The following SIK3 variants were observed in gnomAD, a reference collection of about 807,000 sequenced individuals.
The protein encoded by SIK3 is SIK family kinase 3.
Under a neutral mutation model 144.2 loss-of-function variants are expected in SIK3, and 28 were observed. The observed-to-expected ratio is 0.19, with a 90% confidence interval of 0.14 to 0.27. The LOEUF (loss-of-function observed/expected upper bound fraction) is 0.27. Ranked by LOEUF, SIK3 falls within the 10% of genes least tolerant of loss-of-function variation. The pLI, the probability that SIK3 is intolerant of heterozygous loss-of-function variation, is 1.00. For missense variants in SIK3, 1,319 were observed against 1,776.0 expected, an observed-to-expected ratio of 0.74 and a Z score of 4.62; for synonymous variants, 686 against 676.3, an observed-to-expected ratio of 1.01 and a Z score of -0.22.
chr11:116,888,428 GA>G (rs1364889927), intron 6 of SIK3, among the ~76,000 whole-genome samples: 1 of 152,190 alleles, frequency 6.6e-6, no homozygotes, highest in East Asian at 1.9e-4. Context: ...GGCGTAAGCA[GA>G]AAAAGGACTC....
At chr11:117,011,013 A>G (rs1951229059) in intron 1 of SIK3, among the ~76,000 whole-genome samples, 1 of 152,132 alleles carries the variant, frequency 6.6e-6, no homozygotes, top group Non-Finnish European at 1.5e-5. Context: ...CCAGCTACTC[A>G]GGAGGCTGAC....
chr11:117,087,740 A>G (rs887656711), intron 1 of SIK3, among the ~76,000 whole-genome samples: 2 of 152,214 alleles, frequency 1.3e-5, no homozygotes, highest in Admixed American at 6.5e-5. Context: ...GGCAATATAC[A>G]TATTAGGTGC....
At chr11:117,079,830 T>G (rs1173361457) in intron 1 of SIK3, among the ~76,000 whole-genome samples, 1 of 151,654 alleles carries the variant, frequency 6.6e-6, no homozygotes, top group Non-Finnish European at 1.5e-5. Context: ...CAAAGAAAAA[T>G]ATCAGTAATA....
chr11:116,870,381 A>C lies in SIK3; in HGVS notation c.1758T>G (p.Pro586=). Residue 586 remains proline, a synonymous_variant, in exon 14 of 25, where the codon CCT becomes CCG. Coordinates refer to ENST00000445177, the MANE Select transcript of SIK3 (RefSeq NM_001366686.3). ...CCCCGTCTGAGCTCTCCTCGTCCACAGGGGTAACTGCTGGCACTGCCTGAA... is the reference window on the plus strand; with the variant it reads ...CCCCGTCTGAGCTCTCCTCGTCCACCGGGGTAACTGCTGGCACTGCCTGAA... ...TMTPAVPAVT[P]VDEESSDGEP... The C allele has an allele frequency of 2.5e-6, 4 of 1,612,542 alleles. No individual in the cohort carries two copies. In the Admixed American group the frequency reaches 6.7e-5, roughly 27 times the overall value.
chr11:116,908,628 A>T (rs1046745422), intron 4 of SIK3, among the ~76,000 whole-genome samples: 2 of 152,212 alleles, frequency 1.3e-5, no homozygotes, highest in Non-Finnish European at 2.9e-5. Flanking sequence ...GCAAAAGACT[A>T]TTGACAATTG....
chr11:117,029,152 G>A (rs1565573995), intron 1 of SIK3, among the ~76,000 whole-genome samples: 2 of 152,118 alleles, frequency 1.3e-5, no homozygotes, highest in South Asian at 4.1e-4. Context: ...CAAGTGATCC[G>A]CCAACCTCGG....
At chr11:117,067,014 C>G (rs758394390) in intron 1 of SIK3, among the ~76,000 whole-genome samples, 2 of 152,154 alleles carry the variant, frequency 1.3e-5, no homozygotes, top group Non-Finnish European at 2.9e-5. Flanking sequence ...TAAGATATAT[C>G]ATTTTAGCAA....
chr11:116,847,804 TG>T (rs1049828657), intron 22 of SIK3, among the ~76,000 whole-genome samples, 196 bp from the exon 23 acceptor site: 3 of 151,980 alleles, frequency 2.0e-5, no homozygotes, highest in Non-Finnish European at 4.4e-5. Context: ...CTCTGCCCAG[TG>T]GGGGGGCTGA....
chr11:116,881,316 C>A (rs1400029026), intron 6 of SIK3, among the ~76,000 whole-genome samples: 1 of 152,070 alleles, frequency 6.6e-6, no homozygotes, highest in African/African-American at 2.4e-5. Context: ...CTGCTCCATG[C>A]AAGACGCCAA....
chr11:117,051,825 G>A (rs1953258602), intron 1 of SIK3, among the ~76,000 whole-genome samples: 1 of 151,832 alleles, frequency 6.6e-6, no homozygotes, highest in Non-Finnish European at 1.5e-5. Context: ...TACAACGCCT[G>A]GCCTATAGAG....
intron 4 of SIK3, among the ~76,000 whole-genome samples, chr11:116,916,667 C>T (rs1472955858): frequency 1.3e-5 from 2 of 151,758 alleles, no homozygotes; most frequent in African/African-American, 2.4e-5. Flanking sequence ...CCTGCCACCA[C>T]GCCCGGCTAA....
intron 3 of SIK3, among the ~76,000 whole-genome samples, chr11:116,950,638 T>G (rs938279275): frequency 6.6e-6 from 1 of 152,262 alleles, no homozygotes; most frequent in African/African-American, 2.4e-5. Flanking sequence ...TAAGCCCTTC[T>G]GTCCATAAGC....
intron 5 of SIK3, among the ~76,000 whole-genome samples, chr11:116,896,765 C>T (rs182599193): frequency 5.4e-4 from 82 of 152,244 alleles, no homozygotes; most frequent in Non-Finnish European, 1.0e-3. Flanking sequence ...GTGGCTCATG[C>T]CTATAATCCC....
At chr11:117,045,971 A>C (rs1345166236) in intron 1 of SIK3, among the ~76,000 whole-genome samples, 2 of 152,268 alleles carry the variant, frequency 1.3e-5, no homozygotes, top group African/African-American at 2.4e-5. Flanking sequence ...GTTCTGTGGC[A>C]GACTCAGGAT....
chr11:117,019,878 CAGAG>C (rs1951695975), intron 1 of SIK3, among the ~76,000 whole-genome samples: 1 of 151,092 alleles, frequency 6.6e-6, no homozygotes, highest in African/African-American at 2.4e-5. Context: ...GATTGGTCAA[CAGAG>C]AGAGACTCCG....
At chr11:117,022,840 A>ACCAGTAAGAAGTT in intron 1 of SIK3, among the ~76,000 whole-genome samples, 3 of 152,184 alleles carry the variant, frequency 2.0e-5, no homozygotes, top group Admixed American at 6.5e-5. Context: ...AAGTTAAAAA[A>ACCAGTAAGAAGTT]AAAAAAAAGG....
In SIK3 at chr11:117,015,846, A is replaced by T. The variant is rs531486530; in HGVS notation, c.274-58782T>A. 3.3e-5 allele frequency: 5 copies of T among 152,212 alleles called. No homozygotes were observed. The East Asian group carries it at 9.7e-4, about 29-fold the overall frequency. 9.4% of individuals were successfully genotyped at this position (152,212 alleles called of 1,614,324 possible). A position where few individuals can be genotyped will look rare whatever the true frequency, so the allele number is the denominator to read the frequency against. On this transcript the variant is annotated intron_variant, in intron 1 of 24. Coordinates refer to ENST00000445177, the MANE Select transcript of SIK3 (RefSeq NM_001366686.3). The stretch of plus-strand genomic sequence containing the variant: ...AGCCTCCCAAAGTGCTGGGATTACA[A>T]GCGTGAGCCACCGTGCCCAGCCTAC...
chr11:116,945,523 C>G (rs1591392732), intron 3 of SIK3, among the ~76,000 whole-genome samples: 2 of 151,826 alleles, frequency 1.3e-5, no homozygotes, highest in Admixed American at 6.6e-5. Context: ...CCATGCCCAG[C>G]CAGCTTTAAA....
chr11:116,889,642 T>C (rs1944998892), intron 6 of SIK3, among the ~76,000 whole-genome samples: 1 of 152,196 alleles, frequency 6.6e-6, no homozygotes, highest in Admixed American at 6.5e-5. Context: ...ACACCTGTAA[T>C]CCCAAAACTT....
Sources: gnomAD v4.1 joint callset for allele counts (sites outside exome capture counted in the v4.1 genomes callset) on GRCh38, gnomAD v4.1.1 for gene constraint, MANE v1.5 for transcripts, NCBI Gene and HGNC (gene_info 2026-07-23, HGNC 2026-07-21) for gene names.